The following MEAK7 variants were observed in gnomAD, a reference collection of about 807,000 sequenced individuals.
MEAK7 encodes the protein MTOR-associated protein MEAK7.
A neutral mutation model predicts 40.5 loss-of-function variants in MEAK7; 68 were observed. The ratio of observed to expected loss-of-function variants is 1.68; its 90% CI spans 1.38 to 2.06. The LOEUF is 2.06. Ranked by LOEUF, MEAK7 falls within the 30% of genes most tolerant of loss-of-function variation. The pLI is 0.00. For missense variants in MEAK7, 918 were observed against 580.5 expected (o/e 1.58, Z -5.98); for synonymous variants, 338 against 231.9 (o/e 1.46, Z -4.16).
intron 2 of MEAK7, chr16:84,497,706 T>G: frequency 7.0e-7 from 1 of 1,418,460 alleles, no homozygotes; most frequent in Non-Finnish European, 9.5e-7. Flanking sequence ...GTTTAGACAC[T>G]GTCTATGGCT....
Position 84,479,981 on chromosome 16 carries a change from C to G in MEAK7, c.1303G>C (p.Ala435Pro). Residue 435 changes from alanine (A) to proline (P), a missense_variant, in exon 8 of 8, where the codon GCC becomes CCC. By Grantham distance (27) the Ala-to-Pro change is conservative. Transcript: ENST00000343629. ...SILDADPEAQALLEISGHSRH... is the reference protein window; with the variant it reads ...SILDADPEAQPLLEISGHSRH... ...GAATGCCCACTGATCTCCAGCAGGGCCTGGGCCTCAGGGTCCGCATCCAGG... is the reference window on the plus strand; with the variant it reads ...GAATGCCCACTGATCTCCAGCAGGGGCTGGGCCTCAGGGTCCGCATCCAGG... 1 of 1,609,484 alleles carries G rather than the reference C, an allele frequency of 6.2e-7. No individual in the cohort carries two copies. The highest frequency in any genetic ancestry group is 8.5e-7 in the Non-Finnish European group (1 of 1,176,948).
chr16:84,491,355 T>C (rs1042347955), intron 3 of MEAK7, among the ~76,000 whole-genome samples: 1 of 151,882 alleles, frequency 6.6e-6, no homozygotes, highest in African/African-American at 2.4e-5. Context: ...CTGGCCAACA[T>C]GATGAGACCC....
intron 1 of MEAK7, among the ~76,000 whole-genome samples, chr16:84,501,419 T>C (rs1318273033): frequency 6.6e-6 from 1 of 152,006 alleles, no homozygotes; most frequent in African/African-American, 2.4e-5. Flanking sequence ...CAACTCCCAC[T>C]TTCTGCCAGA....
At chr16:84,493,987 A>G (rs1044746286) in intron 3 of MEAK7, among the ~76,000 whole-genome samples, 1 of 152,202 alleles carries the variant, frequency 6.6e-6, no homozygotes, top group South Asian at 2.1e-4. Flanking sequence ...GGGTATCTAC[A>G]GGCACAGATA....
At position 84,482,584 on chromosome 16, in the gene MEAK7, G is replaced by C. The variant is rs201930743; in HGVS notation, c.1077+8C>G. Reference sequence around the variant, plus strand: ...AAGGCAAGACCACCACGCTCTGCCCGGGCTCACCAGTCCGTTCGGGATCGT... The same window carrying C: ...AAGGCAAGACCACCACGCTCTGCCCCGGCTCACCAGTCCGTTCGGGATCGT... On this transcript the variant is annotated splice_region_variant and intron_variant, in intron 6 of 7. Transcript: ENST00000343629. The C allele has an allele frequency of 6.2e-7, 1 of 1,614,086 alleles. No individual in the cohort carries two copies. The highest frequency in any genetic ancestry group is 1.1e-5 in the South Asian group (1 of 91,072).
chr16:84,499,553 A>G (rs1914331079), intron 1 of MEAK7, among the ~76,000 whole-genome samples: 1 of 152,198 alleles, frequency 6.6e-6, no homozygotes, highest in Non-Finnish European at 1.5e-5. Context: ...TAACCATTTT[A>G]AAGTGTACAG....
chr16:84,493,005 T>G (rs1913751720), intron 3 of MEAK7, among the ~76,000 whole-genome samples: 2 of 152,222 alleles, frequency 1.3e-5, no homozygotes, highest in Admixed American at 1.3e-4. Context: ...GGAGACATAT[T>G]GGGCTTACTT....
chr16:84,479,458 CGG>C lies in MEAK7; in HGVS notation c.*453_*454del, dbSNP rs1567482632. 1,540 of 139,302 alleles carry C rather than the reference CGG, an allele frequency of 0.011. 155 individuals carry two copies. The highest frequency in any genetic ancestry group is 0.038 in the African/African-American group (1,375 of 36,298). The allele number at this position is 139,302 out of a possible 1,614,324, so 8.6% of individuals were successfully genotyped here. ...TGCCAGCGGAATTCCCTAATGCCAG[CGG>C]AATTCCCTAATGCCAGCGGAATTCC... On this transcript the variant is annotated 3_prime_UTR_variant, in exon 8 of 8. Coordinates refer to ENST00000343629, the MANE Select transcript of MEAK7 (RefSeq NM_020947.4).
rs1912334127 is a variant in MEAK7 at position 84,479,621 on chromosome 16, A to C, written c.*292T>G. Reference sequence around the variant, plus strand: ...CTTAGGATTTCGTTGGTAAAAAAGAACAAAGTATAAGACTGAGTTACTAAT... The same window carrying C: ...CTTAGGATTTCGTTGGTAAAAAAGACCAAAGTATAAGACTGAGTTACTAAT... On this transcript the variant is annotated 3_prime_UTR_variant, in exon 8 of 8. Transcript: ENST00000343629. 1 of 287,434 alleles carries C rather than the reference A, an allele frequency of 3.5e-6. No individual in the cohort carries two copies. The highest frequency in any genetic ancestry group is 5.7e-5 in the East Asian group (1 of 17,428). The allele number at this position is 287,434 out of a possible 1,614,324, so 17.8% of individuals were successfully genotyped here.
At position 84,477,223 on chromosome 16, in the gene MEAK7, C is replaced by T. The variant is rs546742060; in HGVS notation, c.*2690G>A. ...TTTTTTTTCTTGAAACGGAGTTTCA[C>T]TCTTGTTGCCCAGGCTAGAGTGCAA... On this transcript the variant is annotated 3_prime_UTR_variant, in exon 8 of 8. Transcript: ENST00000343629. 6.7e-6 allele frequency: 1 copy of T among 148,580 alleles called. No homozygotes were observed. The highest frequency in any genetic ancestry group is 2.2e-4 in the South Asian group (1 of 4,642). 9.2% of individuals were successfully genotyped at this position (148,580 alleles called of 1,614,324 possible).
chr16:84,496,219 C>T (rs1275364374), intron 2 of MEAK7, among the ~76,000 whole-genome samples: 1 of 152,152 alleles, frequency 6.6e-6, no homozygotes, highest in Admixed American at 6.5e-5. Context: ...GTGTATAGAA[C>T]ATCCATGGTG....
At chr16:84,504,442 T>TC (rs1342947260) in intron 1 of MEAK7, among the ~76,000 whole-genome samples, 159 bp downstream of exon 1, 1 of 150,866 alleles carries the variant, frequency 6.6e-6, no homozygotes, top group African/African-American at 2.4e-5. Flanking sequence ...CCCGCAGCCT[T>TC]CACCTCTCCC....
chr16:84,498,030 C>T lies in MEAK7; in HGVS notation c.57G>A (p.Glu19=), dbSNP rs1914199877. 6.2e-7 allele frequency: 1 copy of T among 1,614,176 alleles called. No homozygotes were observed. Among genetic ancestry groups the T allele is most frequent in the Non-Finnish European group, 8.5e-7 (1 of 1,180,028 alleles). Residue 19 remains glutamate (E), a synonymous_variant, in exon 2 of 8, where the codon GAG becomes GAA. Transcript: ENST00000343629. ...ACAATTGATCAATCTCTGCCTGTTC[C>T]TCAGGAAGAAACTGTGAACAAAAGC... ...GRSFCSQFLP[E]EQAEIDQLFD...
intron 3 of MEAK7, among the ~76,000 whole-genome samples, chr16:84,494,523 T>C (rs575551914): frequency 6.6e-6 from 1 of 152,312 alleles, no homozygotes; most frequent in East Asian, 1.9e-4. Flanking sequence ...CTAGACAACT[T>C]AAACTCTGGA....
chr16:84,495,573 A>G, intron 3 of MEAK7, 110 bp downstream of exon 3: 3 of 996,236 alleles, frequency 3.0e-6, no homozygotes, highest in Non-Finnish European at 4.6e-6. Flanking sequence ...AACCCAGCTC[A>G]AATACTTTTT....
intron 5 of MEAK7, 116 bp downstream of exon 5, chr16:84,486,515 G>C: frequency 3.4e-6 from 5 of 1,466,726 alleles, no homozygotes; most frequent in Non-Finnish European, 4.5e-6. Context: ...ACTGCGTCTA[G>C]AGAAACACTT....
In MEAK7 at chr16:84,479,986, G is replaced by T; in HGVS notation, c.1298C>A (p.Ala433Asp). 1 of 1,609,298 alleles carries T rather than the reference G, an allele frequency of 6.2e-7. No homozygotes were observed. Among genetic ancestry groups the T allele is most frequent in the Non-Finnish European group, 8.5e-7 (1 of 1,176,824 alleles). The change falls in exon 8 of 8, where the codon GCC becomes GAC. Residue 433 changes from alanine to aspartate, a missense_variant. By Grantham distance (126) the Ala-to-Asp change is moderately radical. Coordinates refer to ENST00000343629, the MANE Select transcript of MEAK7 (RefSeq NM_020947.4). ...NKSILDADPEAQALLEISGHS... is the reference protein window; with the variant it reads ...NKSILDADPEDQALLEISGHS... ...CCCACTGATCTCCAGCAGGGCCTGG[G>T]CCTCAGGGTCCGCATCCAGGATGCT...
At chr16:84,480,742 G>C (rs200178323) in intron 6 of MEAK7, 34 bp from the exon 7 acceptor site, 530 of 1,581,126 alleles carry the variant, frequency 3.4e-4, no homozygotes, top group Admixed American at 7.1e-4. Context: ...AATAGCATCA[G>C]CAACTCCTCA....
At chr16:84,504,416 C>G (rs1914729475) in intron 1 of MEAK7, among the ~76,000 whole-genome samples, 185 bp downstream of exon 1, 1 of 145,180 alleles carries the variant, frequency 6.9e-6, no homozygotes, top group South Asian at 2.5e-4. Flanking sequence ...GCCCCGCTGT[C>G]CCCACCCCTC....
Sources: allele counts gnomAD v4.1 joint callset (sites outside exome capture counted in the v4.1 genomes callset), GRCh38; gene constraint gnomAD v4.1.1; transcripts MANE v1.5; gene names NCBI Gene and HGNC (gene_info 2026-07-23, HGNC 2026-07-21).